Variants in LRRC25 observed in about 807,000 individuals in gnomAD.
LRRC25 encodes leucine rich repeat containing 25.
LRRC25 carries 5 observed loss-of-function variants against 18.8 expected under a neutral mutation model. The observed-to-expected ratio is 0.27, with a 90% CI of 0.14 to 0.56. LRRC25 has a LOEUF of 0.56. LRRC25 is among the 20% of genes least tolerant of loss of function. The pLI is 0.93. For missense variants in LRRC25, 341 were observed against 389.8 expected, an observed-to-expected ratio of 0.87 and a Z score of 1.05; for synonymous variants, 161 against 176.8, an observed-to-expected ratio of 0.91 and a Z score of 0.71.
Position 18,391,234 on chromosome 19 carries a change from G to A in LRRC25, c.*753C>T, listed in dbSNP as rs1175684787. The A allele has an allele frequency of 6.6e-6, 1 of 152,278 alleles. No individual in the cohort carries two copies. The highest frequency in any genetic ancestry group is 1.5e-5 in the Non-Finnish European group (1 of 68,116). 9.4% of individuals were successfully genotyped at this position (152,278 alleles called of 1,614,324 possible). On this transcript the variant is annotated 3_prime_UTR_variant, in exon 2 of 2. Transcript: ENST00000339007. ...GATCAGGGACCTGGGAAGGGGCCCT[G>A]AGAGGGGCAGAAGGGAGGAATGTGC...
At chr19:18,394,978 C>T (rs1331348304) in intron 1 of LRRC25, among the ~76,000 whole-genome samples, 3 of 152,132 alleles carry the variant, frequency 2.0e-5, no homozygotes, top group Non-Finnish European at 2.9e-5. Context: ...ACTCTGGAGA[C>T]TGAGGCAGGA....
Position 18,393,589 on chromosome 19 carries a change from C to G in LRRC25, c.780-1464G>C, listed in dbSNP as rs80102313. ...TGAGCCGAGATCATGCCATTGCACT[C>G]TAGCCTGGGCGACAGAGCGGGAAAA... On this transcript the variant is annotated intron_variant, in intron 1 of 1. Transcript: ENST00000339007. 2.0e-5 allele frequency among the ~76,000 whole-genome samples: 3 copies of G among 151,478 alleles called. No homozygotes were observed. The East Asian group carries it at 5.8e-4, about 29-fold the overall frequency.
intron 1 of LRRC25, among the ~76,000 whole-genome samples, chr19:18,395,076 CA>C (rs1055998712): frequency 1.3e-5 from 2 of 150,524 alleles, no homozygotes; most frequent in African/African-American, 2.4e-5. Context: ...GACACTGTCT[CA>C]AAAAAAAATG....
rs1227466936 is a variant in LRRC25 at position 18,396,812 on chromosome 19, C to T, written c.152G>A (p.Ser51Asn). 1.2e-6 allele frequency: 2 copies of T among 1,613,970 alleles called. No homozygotes were observed. Among genetic ancestry groups the T allele is most frequent in the African/African-American group, 1.3e-5 (1 of 74,928 alleles). ...TCLNFSGLSL[S>N]LPHNQSLRAS... ...CCGCAGAGACTGGTTGTGAGGCAGG[C>T]TCAGGCTGAGGCCACTGAAATTCAG... The change falls in exon 1 of 2, where the codon AGC (serine) becomes AAC (asparagine). Residue 51 changes from serine to asparagine, a missense_variant. Transcript: ENST00000339007.
chr19:18,391,926 C>T lies in LRRC25; in HGVS notation c.*61G>A, dbSNP rs1258849923. 2.6e-5 allele frequency: 40 copies of T among 1,560,552 alleles called. No homozygotes were observed. The highest frequency in any genetic ancestry group is 1.3e-4 in the South Asian group (11 of 87,478). ...AACTGAGGCCATGGAGGCGTTAGGA[C>T]GCCCTGAGTCACCCAGCAGGGACTG... is the stretch of plus-strand genomic sequence containing the variant. On this transcript the variant is annotated 3_prime_UTR_variant, in exon 2 of 2. Transcript: ENST00000339007.
Position 18,396,253 on chromosome 19 carries a change from G to A in LRRC25, c.711C>T (p.Pro237=). The stretch of plus-strand genomic sequence containing the variant: ...ACATGTTCTCATAGTCGGGAGTGGA[G>A]GGGCAGGATGGCACGGCCACTTGGG... The part of the protein sequence containing the change: ...PKPQVAVPSC[P]STPDYENMFV... The change falls in exon 1 of 2, where the codon CCC becomes CCT. Residue 237 remains proline, a synonymous_variant. Coordinates refer to ENST00000339007, the MANE Select transcript of LRRC25 (RefSeq NM_145256.3). The A allele has an allele frequency of 6.8e-6, 11 of 1,613,348 alleles. No homozygotes were observed. Among genetic ancestry groups the A allele is most frequent in the Non-Finnish European group, 8.5e-6 (10 of 1,179,470 alleles).
Position 18,396,327 on chromosome 19 carries a change from G to T in LRRC25, c.637C>A (p.Pro213Thr). Residue 213 changes from proline to threonine, a missense_variant, in exon 1 of 2, where the codon CCC (proline) becomes ACC (threonine). Transcript: ENST00000339007. ...TACCGTGGCTGCAAGCCTAAACCGG[G>T]CTTGGGCCCATCCTGAGCAGCCCAG... ...KPWAAQDGPK[P>T]GLGLQPRYGS... is the part of the protein sequence containing the mutation. 6.2e-7 allele frequency: 1 copy of T among 1,613,942 alleles called. No individual in the cohort carries two copies.
In LRRC25 at chr19:18,396,544, C is replaced by A; in HGVS notation, c.420G>T (p.Trp140Cys). The part of the protein sequence containing the change: ...NCSGQKPLLC[W>C]DTTSSQHNLS... The stretch of plus-strand genomic sequence containing the variant: ...GGTTGTGCTGGGAGCTGGTTGTGTC[C>A]CAGCAGAGCAGAGGCTTCTGGCCAG... Residue 140 changes from tryptophan to cysteine, a missense_variant, in exon 1 of 2, where the codon TGG (tryptophan) becomes TGT (cysteine). Coordinates refer to ENST00000339007, the MANE Select transcript of LRRC25 (RefSeq NM_145256.3). The A allele has an allele frequency of 6.2e-7, 1 of 1,613,732 alleles. No individual in the cohort carries two copies.
At position 18,391,914 on chromosome 19, in the gene LRRC25, G is replaced by A. The variant is rs868528077; in HGVS notation, c.*73C>T. On this transcript the variant is annotated 3_prime_UTR_variant, in exon 2 of 2. Coordinates refer to ENST00000339007, the MANE Select transcript of LRRC25 (RefSeq NM_145256.3). ...TTCAGATGGGGAAACTGAGGCCATGGAGGCGTTAGGACGCCCTGAGTCACC... is the reference window on the plus strand; with the variant it reads ...TTCAGATGGGGAAACTGAGGCCATGAAGGCGTTAGGACGCCCTGAGTCACC... 6.6e-7 allele frequency: 1 copy of A among 1,525,708 alleles called. No individual in the cohort carries two copies. The highest frequency in any genetic ancestry group is 2.2e-4 in the Middle Eastern group (1 of 4,646). 94.5% of individuals were successfully genotyped at this position (1,525,708 alleles called of 1,614,324 possible). A position where few individuals can be genotyped will look rare whatever the true frequency, so the allele number is the denominator to read the frequency against.
At chr19:18,393,598 G>A (rs1288627479) in intron 1 of LRRC25, among the ~76,000 whole-genome samples, 1 of 149,804 alleles carries the variant, frequency 6.7e-6, no homozygotes, top group Non-Finnish European at 1.5e-5. Context: ...TCTAGCCTGG[G>A]CGACAGAGCG....
chr19:18,391,768 G>T lies in LRRC25; in HGVS notation c.*219C>A. On this transcript the variant is annotated 3_prime_UTR_variant, in exon 2 of 2. Coordinates refer to ENST00000339007, the MANE Select transcript of LRRC25 (RefSeq NM_145256.3). ...GGCACAGTGACCGTCCTGTCCCCTT[G>T]TTGGGGGTCTCTCCTCTTCCCCCTC... The T allele has an allele frequency of 1.9e-6, 1 of 516,368 alleles. No homozygotes were observed. Among genetic ancestry groups the T allele is most frequent in the East Asian group, 3.3e-5 (1 of 30,404 alleles). The allele number at this position is 516,368 out of a possible 1,614,324, so 32.0% of individuals were successfully genotyped here. A position where few individuals can be genotyped will look rare whatever the true frequency, so the allele number is the denominator to read the frequency against.
At position 18,397,407 on chromosome 19, in the gene LRRC25, G is replaced by A. The variant is rs867135807; in HGVS notation, c.-444C>T. On this transcript the variant is annotated 5_prime_UTR_variant, in exon 1 of 2. Coordinates refer to ENST00000339007, the MANE Select transcript of LRRC25 (RefSeq NM_145256.3). ...TGCTGAAAGGGTCCTCCCAGGTCTG[G>A]TTTGCAGTCCCTGCACAGGTGCAAG... 4 of 193,960 alleles carry A rather than the reference G, an allele frequency of 2.1e-5. No individual in the cohort carries two copies. The South Asian group carries it at 3.8e-4, about 18-fold the overall frequency. 12.0% of individuals were successfully genotyped at this position (193,960 alleles called of 1,614,324 possible).
Position 18,391,916 on chromosome 19 carries a change from G to A in LRRC25, c.*71C>T. On this transcript the variant is annotated 3_prime_UTR_variant, in exon 2 of 2. Transcript: ENST00000339007. Reference sequence around the variant, plus strand: ...CAGATGGGGAAACTGAGGCCATGGAGGCGTTAGGACGCCCTGAGTCACCCA... The same window carrying A: ...CAGATGGGGAAACTGAGGCCATGGAAGCGTTAGGACGCCCTGAGTCACCCA... 1 of 1,533,182 alleles carries A rather than the reference G, an allele frequency of 6.5e-7. No individual in the cohort carries two copies. Among genetic ancestry groups the A allele is most frequent in the Non-Finnish European group, 8.9e-7 (1 of 1,125,416 alleles). 95.0% of individuals were successfully genotyped at this position (1,533,182 alleles called of 1,614,324 possible).
chr19:18,396,319 T>C lies in LRRC25; in HGVS notation c.645A>G (p.Leu215=), dbSNP rs559303146. The C allele has an allele frequency of 4.3e-6, 7 of 1,613,958 alleles. No homozygotes were observed. In the African/African-American group the frequency reaches 9.3e-5, roughly 22 times the overall value. The change falls in exon 1 of 2, where the codon TTA becomes TTG. Residue 215 remains leucine, a synonymous_variant. Transcript: ENST00000339007. ...WAAQDGPKPG[L]GLQPRYGSRS... ...GGCTGCCGTACCGTGGCTGCAAGCC[T>C]AAACCGGGCTTGGGCCCATCCTGAG...
Position 18,392,850 on chromosome 19 carries a change from C to T in LRRC25, c.780-725G>A, listed in dbSNP as rs1001614299. ...ACAAAAAATTAAAAAATTATTCAGG[C>T]GTGGTGACGTGTGCCTGGAGTCCCA... On this transcript the variant is annotated intron_variant, in intron 1 of 1. Transcript: ENST00000339007. 7.9e-5 allele frequency among the ~76,000 whole-genome samples: 12 copies of T among 151,968 alleles called. No individual in the cohort carries two copies. The East Asian group carries it at 1.4e-3, about 17-fold the overall frequency.
chr19:18,396,558 G>T lies in LRRC25; in HGVS notation c.406C>A (p.Pro136Thr). The change falls in exon 1 of 2, where the codon CCT becomes ACT. Residue 136 changes from proline to threonine, a missense_variant. Coordinates refer to ENST00000339007, the MANE Select transcript of LRRC25 (RefSeq NM_145256.3). ...CTGGTTGTGTCCCAGCAGAGCAGAGGCTTCTGGCCAGAGCAGTTGTCTCGG... is the reference window on the plus strand; with the variant it reads ...CTGGTTGTGTCCCAGCAGAGCAGAGTCTTCTGGCCAGAGCAGTTGTCTCGG... The part of the protein sequence containing the change: ...IRRDNCSGQK[P>T]LLCWDTTSSQ... 1 of 1,613,876 alleles carries T rather than the reference G, an allele frequency of 6.2e-7. No individual in the cohort carries two copies. The highest frequency in any genetic ancestry group is 8.5e-7 in the Non-Finnish European group (1 of 1,180,036).
Position 18,391,711 on chromosome 19 carries a change from C to A in LRRC25, c.*276G>T. 2.8e-6 allele frequency: 1 copy of A among 354,816 alleles called. No homozygotes were observed. The highest frequency in any genetic ancestry group is 5.5e-6 in the Non-Finnish European group (1 of 183,462). The allele number at this position is 354,816 out of a possible 1,614,324, so 22.0% of individuals were successfully genotyped here. A position where few individuals can be genotyped will look rare whatever the true frequency, so the allele number is the denominator to read the frequency against. Reference sequence around the variant, plus strand: ...CCTCGAAGCATTTATTGAGCACTGCCTGTACATCCACAGGAGGGTGATGAC... The same window carrying A: ...CCTCGAAGCATTTATTGAGCACTGCATGTACATCCACAGGAGGGTGATGAC... On this transcript the variant is annotated 3_prime_UTR_variant, in exon 2 of 2. Transcript: ENST00000339007.
Position 18,397,338 on chromosome 19 carries a change from A to C in LRRC25, c.-375T>G. ...GATCACGCTCCCGGTATCTCCCAGA[A>C]CGGCGGGTCGCTGGGAAGTCCTGGG... On this transcript the variant is annotated 5_prime_UTR_variant, in exon 1 of 2. Transcript: ENST00000339007. 1 of 257,732 alleles carries C rather than the reference A, an allele frequency of 3.9e-6. No homozygotes were observed. The highest frequency in any genetic ancestry group is 7.6e-6 in the Non-Finnish European group (1 of 131,482). The allele number at this position is 257,732 out of a possible 1,614,324, so 16.0% of individuals were successfully genotyped here.
chr19:18,396,324 C>A lies in LRRC25; in HGVS notation c.640G>T (p.Gly214Cys), dbSNP rs1181929782. ...PWAAQDGPKP[G>C]LGLQPRYGSR... ...CCGTACCGTGGCTGCAAGCCTAAAC[C>A]GGGCTTGGGCCCATCCTGAGCAGCC... Residue 214 changes from glycine to cysteine, a missense_variant, in exon 1 of 2, where the codon GGT (glycine) becomes TGT (cysteine). By Grantham distance (159) the Gly-to-Cys change is radical. Transcript: ENST00000339007. 1 of 1,613,790 alleles carries A rather than the reference C, an allele frequency of 6.2e-7. No homozygotes were observed.
Sources: gnomAD v4.1 joint callset for allele counts (sites outside exome capture counted in the v4.1 genomes callset) on GRCh38, gnomAD v4.1.1 for gene constraint, MANE v1.5 for transcripts, NCBI Gene and HGNC (gene_info 2026-07-23, HGNC 2026-07-21) for gene names.